Variants in PRDX6 observed in about 807,000 individuals in gnomAD.
The protein encoded by PRDX6 is peroxiredoxin-6.
Under a neutral mutation model 20.0 loss-of-function variants are expected in PRDX6, and 13 were observed. The observed-to-expected ratio is 0.65, with a 90% CI of 0.42 to 1.03. The LOEUF (loss-of-function observed/expected upper bound fraction) is 1.03, where lower values mean the gene tolerates loss of function less well. PRDX6 is among the 50% of genes least tolerant of loss of function. The pLI, the probability that PRDX6 is intolerant of heterozygous loss-of-function variation, is 0.00. For missense variants in PRDX6, 203 were observed against 276.9 expected (o/e 0.73, Z 1.89); for synonymous variants, 85 against 100.8 (o/e 0.84, Z 0.94).
At chr1:173,484,629 G>C (rs989832614) in intron 2 of PRDX6, among the ~76,000 whole-genome samples, 2 of 152,040 alleles carry the variant, frequency 1.3e-5, no homozygotes, top group African/African-American at 4.8e-5. Context: ...AGCTTCCAGG[G>C]ATAGGAAAAG....
intron 1 of PRDX6, among the ~76,000 whole-genome samples, chr1:173,480,535 A>G (rs1162218407): frequency 6.6e-6 from 1 of 152,228 alleles, no homozygotes; most frequent in African/African-American, 2.4e-5. Context: ...ATAAAATCTT[A>G]GACAATGATG....
At chr1:173,487,440 C>T (rs1278621157) in intron 4 of PRDX6, among the ~76,000 whole-genome samples, 3 of 152,094 alleles carry the variant, frequency 2.0e-5, no homozygotes, top group Non-Finnish European at 4.4e-5. Context: ...TGAGAGGAGG[C>T]AGGATTCCAT....
intron 2 of PRDX6, 24 bp from the exon 3 acceptor site, chr1:173,485,337 T>C: frequency 6.4e-7 from 1 of 1,552,576 alleles, no homozygotes; most frequent in Non-Finnish European, 8.8e-7. Flanking sequence ...TAGATTCCTC[T>C]TTCCCCTTTT....
At chr1:173,484,137 A>AAATT (rs1571397186) in intron 2 of PRDX6, among the ~76,000 whole-genome samples, 1 of 100,312 alleles carries the variant, frequency 1.0e-5, no homozygotes, top group East Asian at 3.2e-4. Flanking sequence ...AAAAAAAAAA[A>AAATT]TTAGATATAT....
intron 2 of PRDX6, among the ~76,000 whole-genome samples, chr1:173,484,744 T>C (rs928894126): frequency 1.3e-5 from 2 of 152,162 alleles, no homozygotes; most frequent in Non-Finnish European, 2.9e-5. Context: ...AATTTCACCC[T>C]AGTTTAGGTT....
At chr1:173,486,785 A>G (rs1482491515) in intron 4 of PRDX6, among the ~76,000 whole-genome samples, 1 of 152,214 alleles carries the variant, frequency 6.6e-6, no homozygotes, top group Non-Finnish European at 1.5e-5. Context: ...TATTAATGTC[A>G]TTAAGTATTT....
rs187020618 is a variant in PRDX6, at chr1:173,477,553, C to T, written c.95+61C>T. 1.1e-4 allele frequency: 146 copies of T among 1,367,994 alleles called. No individual in the cohort carries two copies. In the Middle Eastern group the frequency reaches 5.1e-3, roughly 48 times the overall value. 84.7% of individuals were successfully genotyped at this position (1,367,994 alleles called of 1,614,324 possible). On this transcript the variant is annotated intron_variant, in intron 1 of 4. Transcript: ENST00000340385. ...GTTGCGCCGGACTCGGAGGTGCCTT[C>T]CCTGTTTCTTCTCCCTGCCGTCCTC...
At chr1:173,480,869 C>T (rs1440182869) in intron 1 of PRDX6, among the ~76,000 whole-genome samples, 1 of 152,152 alleles carries the variant, frequency 6.6e-6, no homozygotes, top group Admixed American at 6.5e-5. Context: ...TTATTGCAGT[C>T]AGGCATTTGT....
intron 1 of PRDX6, among the ~76,000 whole-genome samples, chr1:173,479,291 C>T (rs1038851690): frequency 5.3e-5 from 8 of 152,120 alleles, no homozygotes; most frequent in Non-Finnish European, 1.2e-4. Context: ...ACAAGTCTGC[C>T]TAGGATCAGG....
Position 173,477,423 on chromosome 1 carries a change from A to T in PRDX6, c.26A>T (p.Asp9Val), listed in dbSNP as rs747652377. MPGGLLLG[D>V]VAPNFEANTT... is the part of the protein sequence containing the mutation. The stretch of plus-strand genomic sequence containing the variant: ...ATGCCCGGAGGTCTGCTTCTCGGGG[A>T]CGTGGCTCCCAACTTTGAGGCCAAT... Residue 9 changes from aspartate to valine, a missense_variant, in exon 1 of 5, where the codon GAC (aspartate) becomes GTC (valine). Coordinates refer to ENST00000340385, the MANE Select transcript of PRDX6 (RefSeq NM_004905.3). 1.2e-6 allele frequency: 2 copies of T among 1,608,058 alleles called. No homozygotes were observed. Among genetic ancestry groups the T allele is most frequent in the South Asian group, 2.2e-5 (2 of 90,340 alleles).
In PRDX6 at chr1:173,487,797, G is replaced by A. The variant is rs35232327; in HGVS notation, c.609G>A (p.Pro203=). 3.7e-4 allele frequency: 602 copies of A among 1,614,036 alleles called. 1 individual carries two copies. In the East Asian group the frequency reaches 9.3e-3, roughly 25 times the overall value. ...IPEEEAKKLF[P]KGVFTKELPS... ...AAGAAGAAGCCAAAAAACTTTTCCC[G>A]AAAGGAGTCTTCACCAAAGAGCTCC... Residue 203 remains proline, a synonymous_variant, in exon 5 of 5, where the codon CCG becomes CCA. Transcript: ENST00000340385.
chr1:173,478,401 C>T (rs1434724345), intron 1 of PRDX6, among the ~76,000 whole-genome samples: 1 of 152,194 alleles, frequency 6.6e-6, no homozygotes, highest in South Asian at 2.1e-4. Flanking sequence ...CTGTCCCCTC[C>T]GCTTTCTACC....
intron 2 of PRDX6, 122 bp downstream of exon 2, chr1:173,481,604 G>T: frequency 1.9e-6 from 2 of 1,053,406 alleles, no homozygotes; most frequent in Non-Finnish European, 1.4e-6. Flanking sequence ...CTAATTATTT[G>T]AAAATTTCAG....
At chr1:173,478,363 C>T (rs1020576745) in intron 1 of PRDX6, among the ~76,000 whole-genome samples, 1 of 152,196 alleles carries the variant, frequency 6.6e-6, no homozygotes, top group East Asian at 1.9e-4. Flanking sequence ...CTTTGAGACT[C>T]TCTTGTTTTC....
intron 2 of PRDX6, among the ~76,000 whole-genome samples, chr1:173,483,211 C>G (rs548270138): frequency 6.6e-6 from 1 of 152,178 alleles, no homozygotes; most frequent in Non-Finnish European, 1.5e-5. Flanking sequence ...TTTATTTTAC[C>G]TGCTGAGCTT....
rs577130366 is a variant in PRDX6, at chr1:173,484,097, C to T, written c.253-1264C>T. 6.0e-3 allele frequency among the ~76,000 whole-genome samples: 741 copies of T among 122,704 alleles called. 11 individuals are homozygous for T. The highest frequency in any genetic ancestry group is 0.023 in the African/African-American group (706 of 30,846). The allele number at this position is 122,704 out of a possible 152,430, so 80.5% of individuals were successfully genotyped here. ...TCGCACCAGTGCACTCCAGCCTGGG[C>T]GACAGCAAGACTCTGTCTCAAAAAA... On this transcript the variant is annotated intron_variant, in intron 2 of 4. Transcript: ENST00000340385.
chr1:173,478,346 T>TC (rs1470883372), intron 1 of PRDX6, among the ~76,000 whole-genome samples: 1 of 152,126 alleles, frequency 6.6e-6, no homozygotes, highest in African/African-American at 2.4e-5. Flanking sequence ...ACACGTGTAC[T>TC]CCCCAACTTT....
At chr1:173,480,058 C>T (rs1207102961) in intron 1 of PRDX6, among the ~76,000 whole-genome samples, 1 of 152,180 alleles carries the variant, frequency 6.6e-6, no homozygotes, top group Non-Finnish European at 1.5e-5. Flanking sequence ...AGATTTTACT[C>T]ATAGTGATAT....
intron 2 of PRDX6, among the ~76,000 whole-genome samples, chr1:173,483,152 G>T (rs1003990458): frequency 3.3e-5 from 5 of 152,184 alleles, no homozygotes; most frequent in Non-Finnish European, 5.9e-5. Context: ...AAAGGAAGCG[G>T]TTATAGCCCA....
Sources: allele counts gnomAD v4.1 joint callset (sites outside exome capture counted in the v4.1 genomes callset), GRCh38; gene constraint gnomAD v4.1.1; transcripts MANE v1.5; gene names NCBI Gene and HGNC (gene_info 2026-07-23, HGNC 2026-07-21).